ZNF804A: variants seen among roughly 807,000 people sequenced by gnomAD.
ZNF804A encodes the protein zinc finger protein 804A.
ZNF804A carries 2 observed loss-of-function variants against 16.5 expected under a neutral mutation model. The observed-to-expected ratio is 0.12, with a 90% CI of 0.05 to 0.38. The LOEUF (loss-of-function observed/expected upper bound fraction) is 0.38, where lower values mean the gene tolerates loss of function less well. ZNF804A is among the 10% of genes least tolerant of loss of function. The pLI, the probability that ZNF804A is intolerant of heterozygous loss-of-function variation, is 0.99. For synonymous variants in ZNF804A, 534 were observed against 489.6 expected (o/e 1.09, Z -1.20); for missense variants, 1,473 against 1,390.7 (o/e 1.06, Z -0.94).
intron 1 of ZNF804A, among the ~76,000 whole-genome samples, chr2:184,835,051 A>G (rs1445870927): frequency 1.3e-5 from 2 of 152,182 alleles, no homozygotes; most frequent in Non-Finnish European, 2.9e-5. Flanking sequence ...AGGGATTTAA[A>G]TGTTAAATTG....
At chr2:184,806,697 A>G (rs1315646940) in intron 1 of ZNF804A, among the ~76,000 whole-genome samples, 1 of 151,984 alleles carries the variant, frequency 6.6e-6, no homozygotes, top group East Asian at 1.9e-4. Flanking sequence ...TGTGACATAC[A>G]TCATCCCTAC....
chr2:184,703,689 CAAAAAAAAAAAAA>C (rs10593157), intron 1 of ZNF804A, among the ~76,000 whole-genome samples: 4 of 56,466 alleles, frequency 7.1e-5, no homozygotes, highest in South Asian at 6.2e-4. Context: ...GACTCCGGTT[CAAAAAAAAAAAAA>C]AAAAAAAAAA....
chr2:184,865,303 T>C (rs765501317), intron 1 of ZNF804A, among the ~76,000 whole-genome samples: 4 of 151,962 alleles, frequency 2.6e-5, no homozygotes, highest in African/African-American at 7.2e-5. Flanking sequence ...CACGGAAACA[T>C]TGTCCAATTT....
chr2:184,664,330 T>C (rs1692223927), intron 1 of ZNF804A, among the ~76,000 whole-genome samples: 1 of 152,182 alleles, frequency 6.6e-6, no homozygotes, highest in Non-Finnish European at 1.5e-5. Flanking sequence ...TCATGTATGT[T>C]GAAGAGTATA....
At chr2:184,717,202 GTC>G (rs1162169629) in intron 1 of ZNF804A, among the ~76,000 whole-genome samples, 3 of 152,154 alleles carry the variant, frequency 2.0e-5, no homozygotes, top group Middle Eastern at 3.4e-3. Flanking sequence ...GTTTTTGTAC[GTC>G]TCTCTCTCAT....
intron 1 of ZNF804A, among the ~76,000 whole-genome samples, chr2:184,643,163 C>T (rs537912640): frequency 1.3e-5 from 2 of 151,980 alleles, no homozygotes; most frequent in Non-Finnish European, 2.9e-5. Context: ...TTTTTATTTT[C>T]CTTCATGCAT....
At chr2:184,812,686 G>A (rs761734432) in intron 1 of ZNF804A, among the ~76,000 whole-genome samples, 1 of 152,062 alleles carries the variant, frequency 6.6e-6, no homozygotes, top group Non-Finnish European at 1.5e-5. Flanking sequence ...TGTTGGCACT[G>A]GAAAGCACTT....
intron 1 of ZNF804A, among the ~76,000 whole-genome samples, chr2:184,667,305 T>G (rs1692269397): frequency 6.6e-6 from 1 of 151,940 alleles, no homozygotes; most frequent in South Asian, 2.1e-4. Context: ...TTTCATTAAC[T>G]TTCAGTAACT....
chr2:184,842,160 C>T (rs1031467366), intron 1 of ZNF804A, among the ~76,000 whole-genome samples: 8 of 152,102 alleles, frequency 5.3e-5, no homozygotes, highest in African/African-American at 1.9e-4. Context: ...GATATCTGAA[C>T]ATGTGATTAT....
At chr2:184,879,365 A>G (rs1021491151) in intron 2 of ZNF804A, among the ~76,000 whole-genome samples, 29 of 152,034 alleles carry the variant, frequency 1.9e-4, no homozygotes, top group African/African-American at 7.0e-4. Context: ...AACATAGTGA[A>G]GTTTTCAACC....
In ZNF804A at chr2:184,819,639, T is replaced by A. The variant is rs531124805; in HGVS notation, c.112-46730T>A. Among the ~76,000 whole-genome samples the A allele has an allele frequency of 1.3e-4, 20 of 148,406 alleles. No homozygotes were observed. The East Asian group carries it at 2.2e-3, about 16-fold the overall frequency. ...AACCAATGAATGGAGGAGCTGTTTT[T>A]AAAAAAAAAAATTTAATAAAATAGA... is the stretch of plus-strand genomic sequence containing the variant. On this transcript the variant is annotated intron_variant, in intron 1 of 3. Coordinates refer to ENST00000302277, the MANE Select transcript of ZNF804A (RefSeq NM_194250.2).
chr2:184,602,981 C>A (rs1691073294), intron 1 of ZNF804A, among the ~76,000 whole-genome samples: 1 of 151,992 alleles, frequency 6.6e-6, no homozygotes, highest in African/African-American at 2.4e-5. Context: ...ATAAGTAGTG[C>A]CAGATTCACA....
chr2:184,926,744 T>C (rs1685618489), intron 2 of ZNF804A, among the ~76,000 whole-genome samples: 1 of 152,138 alleles, frequency 6.6e-6, no homozygotes, highest in Non-Finnish European at 1.5e-5. Context: ...AAATAGCCTA[T>C]CTTCAAGCTC....
intron 1 of ZNF804A, among the ~76,000 whole-genome samples, chr2:184,613,469 C>G (rs185067735): frequency 6.6e-6 from 1 of 152,044 alleles, no homozygotes; most frequent in Non-Finnish European, 1.5e-5. Flanking sequence ...ACTTTCTGGC[C>G]GACCAATATA....
At chr2:184,902,086 C>T (rs1342610375) in intron 2 of ZNF804A, 4 of 152,084 alleles carry the variant, frequency 2.6e-5, no homozygotes, top group Non-Finnish European at 5.9e-5. Context: ...AAAATATGTA[C>T]TTAGAATTAG....
chr2:184,920,660 A>G (rs1255457963), intron 2 of ZNF804A, among the ~76,000 whole-genome samples: 2 of 152,196 alleles, frequency 1.3e-5, no homozygotes, highest in Non-Finnish European at 2.9e-5. Flanking sequence ...GGAGAGAGAG[A>G]GAGACACTTC....
chr2:184,896,731 T>C (rs1442842031), intron 2 of ZNF804A, among the ~76,000 whole-genome samples: 1 of 152,086 alleles, frequency 6.6e-6, no homozygotes, highest in Non-Finnish European at 1.5e-5. Flanking sequence ...GCTAGATTAG[T>C]TTGTCAATAC....
intron 1 of ZNF804A, among the ~76,000 whole-genome samples, chr2:184,746,647 T>C (rs1277123479): frequency 6.6e-6 from 1 of 151,410 alleles, no homozygotes; most frequent in Non-Finnish European, 1.5e-5. Flanking sequence ...TCTCATTCAT[T>C]CTATCTAACT....
chr2:184,861,752 T>C (rs77433549), intron 1 of ZNF804A, among the ~76,000 whole-genome samples: 75 of 152,304 alleles, frequency 4.9e-4, no homozygotes, highest in African/African-American at 1.8e-3. Context: ...CCTTCAAAGT[T>C]CTACTTTGGT....
Sources: allele counts gnomAD v4.1 joint callset (sites outside exome capture counted in the v4.1 genomes callset), GRCh38; gene constraint gnomAD v4.1.1; transcripts MANE v1.5; gene names NCBI Gene and HGNC (gene_info 2026-07-23, HGNC 2026-07-21).